The following MAPK10 variants were observed in gnomAD, a reference collection of about 807,000 sequenced individuals.
The protein encoded by MAPK10 is JNK3 alpha protein kinase.
A neutral mutation model predicts 59.3 loss-of-function variants in MAPK10; 25 were observed. That is an observed-to-expected ratio of 0.42 (90% CI 0.31 to 0.59). The LOEUF (loss-of-function observed/expected upper bound fraction) is 0.59, where lower values mean the gene tolerates loss of function less well. MAPK10 is among the 20% of genes least tolerant of loss of function. MAPK10 has a pLI of 0.15. For missense variants in MAPK10, 351 were observed against 568.9 expected, an observed-to-expected ratio of 0.62 and a Z score of 3.90; for synonymous variants, 190 against 200.5, an observed-to-expected ratio of 0.95 and a Z score of 0.44.
chr4:86,295,753 T>A (rs1041341996), intron 2 of MAPK10, among the ~76,000 whole-genome samples: 2 of 143,146 alleles, frequency 1.4e-5, no homozygotes, highest in South Asian at 2.1e-4. Context: ...TATATATATT[T>A]TATATATATA....
chr4:86,535,946 A>G (rs1179919362), intron 1 of MAPK10, among the ~76,000 whole-genome samples: 1 of 152,230 alleles, frequency 6.6e-6, no homozygotes, highest in East Asian at 1.9e-4. Flanking sequence ...CTTAGGGAAT[A>G]AAGTAGACTC....
intron 3 of MAPK10, among the ~76,000 whole-genome samples, chr4:86,170,667 A>G (rs2073841191): frequency 6.6e-6 from 1 of 152,082 alleles, no homozygotes; most frequent in African/African-American, 2.4e-5. Context: ...CAGATCAATG[A>G]GAAAGAAAGT....
At chr4:86,548,217 A>T (rs377395477) in intron 1 of MAPK10, among the ~76,000 whole-genome samples, 1 of 151,966 alleles carries the variant, frequency 6.6e-6, no homozygotes, top group Admixed American at 6.6e-5. Flanking sequence ...ACAACTCCAG[A>T]CGCGCTGCCT....
At chr4:86,517,269 C>CTTTTTTTT (rs1176457005) in intron 1 of MAPK10, among the ~76,000 whole-genome samples, 16 of 84,278 alleles carry the variant, frequency 1.9e-4, no homozygotes, top group South Asian at 4.0e-4. Context: ...GGTGTATTAT[C>CTTTTTTTT]TTTTTTTTTT....
chr4:86,123,796 G>A (rs2059646053), intron 4 of MAPK10: 1 of 151,992 alleles, frequency 6.6e-6, no homozygotes, highest in Non-Finnish European at 1.5e-5. Context: ...AAAGCATGCT[G>A]TTCATTCTAT....
intron 1 of MAPK10, among the ~76,000 whole-genome samples, chr4:86,556,748 GA>G (rs1760299960): frequency 6.6e-6 from 1 of 152,092 alleles, no homozygotes; most frequent in Admixed American, 6.5e-5. Flanking sequence ...AGTCTTAGAT[GA>G]AAAAGGGTAA....
intron 2 of MAPK10, among the ~76,000 whole-genome samples, chr4:86,354,102 T>TTGTG (rs761588734): frequency 2.7e-5 from 4 of 148,120 alleles, no homozygotes; most frequent in African/African-American, 9.8e-5. Context: ...AAGAGCTAAA[T>TTGTG]TGTGTGTGTG....
Position 86,526,930 on chromosome 4 carries a change from C to A in MAPK10, c.-263+66980G>T, listed in dbSNP as rs148100830. The stretch of plus-strand genomic sequence containing the variant: ...CCACTCTGGGCCAAGAGATGGTTAG[C>A]ATTATTTCAACTTTTTTGAATTTAT... On this transcript the variant is annotated intron_variant, in intron 1 of 4. Transcript: ENST00000502302. Among the ~76,000 whole-genome samples, 507 of 152,236 alleles carry A rather than the reference C, an allele frequency of 3.3e-3. 1 individual carries two copies. The highest frequency in any genetic ancestry group is 0.012 in the African/African-American group (491 of 41,546).
intron 1 of MAPK10, among the ~76,000 whole-genome samples, chr4:86,541,209 G>C (rs1439494656): frequency 6.6e-6 from 1 of 152,160 alleles, no homozygotes; most frequent in Non-Finnish European, 1.5e-5. Context: ...TGGGGGCAGG[G>C]GAGACATAGC....
intron 1 of MAPK10, among the ~76,000 whole-genome samples, chr4:86,427,382 C>T (rs772146090): frequency 2.0e-5 from 3 of 152,076 alleles, no homozygotes; most frequent in African/African-American, 4.8e-5. Flanking sequence ...TAACCAAAGA[C>T]GAGTCTAGTG....
At chr4:86,589,296 A>G (rs1042364797) in intron 1 of MAPK10, among the ~76,000 whole-genome samples, 6 of 152,300 alleles carry the variant, frequency 3.9e-5, no homozygotes, top group African/African-American at 1.4e-4. Context: ...AGATGTGGGG[A>G]AACACAGTAT....
rs558929111 is a variant in MAPK10, at chr4:86,322,520, C to T, written c.-7+32010G>A. Among the ~76,000 whole-genome samples the T allele has an allele frequency of 1.6e-3, 248 of 152,228 alleles. 1 individual carries two copies. The highest frequency in any genetic ancestry group is 3.4e-3 in the Middle Eastern group (1 of 294). On this transcript the variant is annotated intron_variant, in intron 2 of 13. Transcript: ENST00000641462. ...ACATCCTTCTGCTCAAGTCTGACCT[C>T]TTTGAAGAACTCAAAAGAGAAGAAG...
chr4:86,436,748 G>A (rs529269542), intron 1 of MAPK10, among the ~76,000 whole-genome samples: 2 of 152,128 alleles, frequency 1.3e-5, no homozygotes, highest in Admixed American at 1.3e-4. Context: ...CAAGATATAT[G>A]AAGATAGAAA....
chr4:86,074,846 T>G (rs1322872138), intron 9 of MAPK10, among the ~76,000 whole-genome samples: 4 of 118,966 alleles, frequency 3.4e-5, no homozygotes, highest in African/African-American at 1.4e-4. Context: ...TCATTTCAAC[T>G]TTGGTGAATC....
intron 9 of MAPK10, 117 bp downstream of exon 9, chr4:86,098,407 A>G (rs1481909695): frequency 6.7e-7 from 1 of 1,483,596 alleles, no homozygotes; most frequent in Non-Finnish European, 9.1e-7. Flanking sequence ...TTTTATTACA[A>G]TAACACCACT....
chr4:86,589,675 T>A (rs1245156224), intron 1 of MAPK10, among the ~76,000 whole-genome samples: 1 of 141,738 alleles, frequency 7.1e-6, no homozygotes, highest in African/African-American at 2.7e-5. Context: ...AGAGCAAAAC[T>A]CCGTCTCAAA....
intron 3 of MAPK10, among the ~76,000 whole-genome samples, chr4:86,183,468 C>G (rs1315318609): frequency 1.3e-5 from 2 of 152,022 alleles, no homozygotes; most frequent in East Asian, 3.9e-4. Context: ...AGGACATGAA[C>G]TCATCATTTT....
At chr4:86,078,366 T>C (rs938069734) in intron 9 of MAPK10, among the ~76,000 whole-genome samples, 12 of 152,194 alleles carry the variant, frequency 7.9e-5, no homozygotes, top group African/African-American at 2.9e-4. Context: ...CTTTGCCCCA[T>C]GTAATTTTCC....
rs78308361 is a variant in MAPK10, at chr4:86,376,679, T to C, written c.-121-22035A>G. On this transcript the variant is annotated intron_variant, in intron 1 of 13. Transcript: ENST00000361569. ...TATATAATTAATCATATCCATTCTATGATAGTTGCCTAAGTTTTCCTAGCA... is the reference window on the plus strand; with the variant it reads ...TATATAATTAATCATATCCATTCTACGATAGTTGCCTAAGTTTTCCTAGCA... Among the ~76,000 whole-genome samples, 628 of 152,330 alleles carry C rather than the reference T, an allele frequency of 4.1e-3. 1 individual carries two copies. Among genetic ancestry groups the C allele is most frequent in the African/African-American group, 0.014 (587 of 41,580 alleles).
Sources: gnomAD v4.1 joint callset for allele counts (sites outside exome capture counted in the v4.1 genomes callset) on GRCh38, gnomAD v4.1.1 for gene constraint, MANE v1.5 for transcripts, NCBI Gene and HGNC (gene_info 2026-07-23, HGNC 2026-07-21) for gene names.